LIN28B: variants seen among roughly 807,000 people sequenced by gnomAD.
LIN28B encodes lin-28 RNA binding posttranscriptional regulator B.
LIN28B carries 5 observed loss-of-function variants against 21.9 expected under a neutral mutation model. The ratio of observed to expected loss-of-function variants is 0.23; its 90% CI spans 0.12 to 0.48. The LOEUF is 0.48. LIN28B is among the 20% of genes least tolerant of loss of function. The pLI is 0.98. For missense variants in LIN28B, 245 were observed against 310.5 expected (o/e 0.79, Z 1.58); for synonymous variants, 109 against 111.3 (o/e 0.98, Z 0.13).
chr6:104,957,178 T>C lies in LIN28B; in HGVS notation c.-73T>C. On this transcript the variant is annotated 5_prime_UTR_variant, in exon 1 of 4. It removes an upstream start codon present in the reference 5' UTR. Coordinates refer to ENST00000345080, the MANE Select transcript of LIN28B (RefSeq NM_001004317.4). ...GCACAAAATCAAGATGTTAGATTGATGCAGAAGATCACTCCGTTCCAAAGG... is the reference window on the plus strand; with the variant it reads ...GCACAAAATCAAGATGTTAGATTGACGCAGAAGATCACTCCGTTCCAAAGG... 1 of 1,613,866 alleles carries C rather than the reference T, an allele frequency of 6.2e-7. No individual in the cohort carries two copies. Among genetic ancestry groups the C allele is most frequent in the Non-Finnish European group, 8.5e-7 (1 of 1,179,802 alleles).
intron 3 of LIN28B, among the ~76,000 whole-genome samples, chr6:105,053,842 C>T (rs1771967036): frequency 6.6e-6 from 1 of 151,992 alleles, no homozygotes; most frequent in African/African-American, 2.4e-5. Flanking sequence ...AAGTAATTCT[C>T]CTGCCTCAGC....
rs113167267 is a variant in LIN28B at position 105,066,373 on chromosome 6, AG to A, written c.384-12040del. On this transcript the variant is annotated intron_variant, in intron 3 of 3. Transcript: ENST00000345080. ...ACTTCAAAGCTTTGAATAACCCAGA[AG>A]ATATTTACTTTGCTAAAACTAGGGT... is the stretch of plus-strand genomic sequence containing the variant. Among the ~76,000 whole-genome samples, 189 of 152,328 alleles carry A rather than the reference AG, an allele frequency of 1.2e-3. 2 individuals carry two copies. The highest frequency in any genetic ancestry group is 4.4e-3 in the African/African-American group (184 of 41,576).
At chr6:104,943,017 G>C (rs1778115027) in intron 2 of LIN28B, among the ~76,000 whole-genome samples, 1 of 151,640 alleles carries the variant, frequency 6.6e-6, no homozygotes, top group Admixed American at 6.5e-5. Context: ...ACAATAAAAA[G>C]TTTGTTGTGA....
chr6:105,008,643 C>CAA (rs202223950), intron 2 of LIN28B, among the ~76,000 whole-genome samples: 10 of 91,042 alleles, frequency 1.1e-4, no homozygotes, highest in African/African-American at 2.1e-4. Flanking sequence ...GACTACATCT[C>CAA]AAAAAAAAAA....
intron 3 of LIN28B, among the ~76,000 whole-genome samples, chr6:105,027,276 T>G (rs934867887): frequency 3.9e-5 from 6 of 152,168 alleles, no homozygotes; most frequent in Non-Finnish European, 8.8e-5. Flanking sequence ...CGGGCCAGTA[T>G]GTAACACCTC....
At chr6:105,018,537 A>C (rs889707076) in intron 2 of LIN28B, among the ~76,000 whole-genome samples, 1 of 152,080 alleles carries the variant, frequency 6.6e-6, no homozygotes, top group Non-Finnish European at 1.5e-5. Flanking sequence ...AAGCTTCTAT[A>C]ATGCTTCTGT....
At chr6:104,977,721 C>A (rs1770130242) in intron 2 of LIN28B, among the ~76,000 whole-genome samples, 1 of 152,114 alleles carries the variant, frequency 6.6e-6, no homozygotes. Flanking sequence ...GCGTGCGCCA[C>A]CATGCCTGGC....
intron 1 of LIN28B, among the ~76,000 whole-genome samples, chr6:104,957,689 T>C (rs1778310710): frequency 6.6e-6 from 1 of 152,196 alleles, no homozygotes; most frequent in African/African-American, 2.4e-5. Flanking sequence ...CTAAACCATC[T>C]TCACGATTTC....
intron 3 of LIN28B, chr6:105,058,042 A>C (rs1300481183): frequency 5.3e-6 from 2 of 378,176 alleles, no homozygotes; most frequent in Admixed American, 7.4e-5. Flanking sequence ...TTAACCAGAA[A>C]TTCATATTTC....
intron 3 of LIN28B, among the ~76,000 whole-genome samples, chr6:105,046,039 T>C (rs1359143172): frequency 6.6e-6 from 1 of 152,252 alleles, no homozygotes; most frequent in Non-Finnish European, 1.5e-5. Context: ...TATTATACTT[T>C]AAGTTCCAGG....
chr6:104,994,501 G>A (rs578254636), intron 2 of LIN28B, among the ~76,000 whole-genome samples: 1 of 152,302 alleles, frequency 6.6e-6, no homozygotes, highest in Non-Finnish European at 1.5e-5. Context: ...CTTGTGGTTT[G>A]GAATAGGAGA....
chr6:105,025,792 C>T (rs1218991564), intron 2 of LIN28B, among the ~76,000 whole-genome samples: 1 of 151,724 alleles, frequency 6.6e-6, no homozygotes, highest in Non-Finnish European at 1.5e-5. Flanking sequence ...TTATGGTAGA[C>T]ACAGTTCTTT....
chr6:105,028,441 GA>G (rs1417847061), intron 3 of LIN28B, among the ~76,000 whole-genome samples: 3 of 152,140 alleles, frequency 2.0e-5, no homozygotes, highest in Non-Finnish European at 2.9e-5. Flanking sequence ...CAATAATACA[GA>G]AAAGAGCTAG....
chr6:105,068,195 A>T (rs184887427), intron 3 of LIN28B, among the ~76,000 whole-genome samples: 30 of 152,340 alleles, frequency 2.0e-4, no homozygotes, highest in Admixed American at 5.2e-4. Flanking sequence ...AAGATATTAA[A>T]TGAGATAAAA....
At chr6:105,056,988 T>C (rs931406205) in intron 3 of LIN28B, among the ~76,000 whole-genome samples, 10 of 152,236 alleles carry the variant, frequency 6.6e-5, no homozygotes, top group Non-Finnish European at 1.3e-4. Flanking sequence ...TCTTATATCT[T>C]TCCCATTGTT....
rs1582910291 is a variant in LIN28B, at chr6:105,037,029, T to A, written c.383+10547T>A. Reference sequence around the variant, plus strand: ...ATCACTTGTAAATTTTAACGTCACTTAAATTTTAAAAATTATGCTTAAATG... The same window carrying A: ...ATCACTTGTAAATTTTAACGTCACTAAAATTTTAAAAATTATGCTTAAATG... On this transcript the variant is annotated intron_variant, in intron 3 of 3. Transcript: ENST00000345080. Among the ~76,000 whole-genome samples, 3 of 152,352 alleles carry A rather than the reference T, an allele frequency of 2.0e-5. No individual in the cohort carries two copies. In the East Asian group the frequency reaches 5.8e-4, roughly 29 times the overall value.
At chr6:104,952,031 T>C (rs1299367481) in intron 3 of LIN28B, among the ~76,000 whole-genome samples, 1 of 152,234 alleles carries the variant, frequency 6.6e-6, no homozygotes, top group African/African-American at 2.4e-5. Context: ...ATTTCTGATA[T>C]ACTTGCCCTC....
intron 2 of LIN28B, among the ~76,000 whole-genome samples, chr6:104,941,777 C>G (rs1478868452): frequency 2.6e-5 from 4 of 152,202 alleles, no homozygotes; most frequent in Non-Finnish European, 5.9e-5. Flanking sequence ...GGAAATGATA[C>G]GTTTGCAGGA....
chr6:104,990,305 T>C (rs571681162), intron 2 of LIN28B, among the ~76,000 whole-genome samples: 30 of 151,870 alleles, frequency 2.0e-4, no homozygotes, highest in African/African-American at 7.0e-4. Context: ...GCGTTTTACA[T>C]ATATTTATTA....
Sources: gnomAD v4.1 joint callset for allele counts (sites outside exome capture counted in the v4.1 genomes callset) on GRCh38, gnomAD v4.1.1 for gene constraint, MANE v1.5 for transcripts, NCBI Gene and HGNC (gene_info 2026-07-23, HGNC 2026-07-21) for gene names.